The following MCPH1 variants were observed in gnomAD, a reference collection of about 807,000 sequenced individuals.
MCPH1 encodes microcephalin.
A neutral mutation model predicts 84.5 loss-of-function variants in MCPH1; 104 were observed. That is an observed-to-expected ratio of 1.23 (90% CI 1.05 to 1.45). The LOEUF is 1.45. Ranked by LOEUF, MCPH1 falls within the 40% of genes most tolerant of loss-of-function variation. The probability of loss-of-function intolerance (pLI) is 0.00; values close to 1 mark genes in which losing one functional copy is unlikely to be tolerated. For synonymous variants in MCPH1, 514 were observed against 366.8 expected (o/e 1.40, Z -4.58); for missense variants, 1,498 against 1,005.7 (o/e 1.49, Z -6.62).
chr8:6,592,542 T>A (rs1450367933), intron 12 of MCPH1, among the ~76,000 whole-genome samples: 1 of 151,352 alleles, frequency 6.6e-6, no homozygotes, highest in African/African-American at 2.4e-5. Flanking sequence ...ATTCTTCCTC[T>A]CTCTCTAAAA....
chr8:6,636,918 T>C (rs1224152138), intron 13 of MCPH1, among the ~76,000 whole-genome samples: 1 of 152,198 alleles, frequency 6.6e-6, no homozygotes, highest in East Asian at 1.9e-4. Flanking sequence ...GAAGTTGGTG[T>C]GGTAGGAGTC....
chr8:6,597,971 G>A (rs1586750315), intron 12 of MCPH1, among the ~76,000 whole-genome samples: 1 of 152,326 alleles, frequency 6.6e-6, no homozygotes, highest in East Asian at 1.9e-4. Flanking sequence ...CTTGCACTGA[G>A]GACGTGCCAC....
In MCPH1 at chr8:6,414,811, A is replaced by G; in HGVS notation, c.161A>G (p.Asp54Gly). 2 of 1,613,896 alleles carry G rather than the reference A, an allele frequency of 1.2e-6. No homozygotes were observed. The highest frequency in any genetic ancestry group is 1.7e-6 in the Non-Finnish European group (2 of 1,179,904). The change falls in exon 3 of 14, where the codon GAT (aspartate) becomes GGT (glycine). Residue 54 changes from aspartate (D) to glycine (G), a missense_variant. Asp to Gly is a moderately conservative substitution (Grantham distance 94). Coordinates refer to ENST00000344683, the MANE Select transcript of MCPH1 (RefSeq NM_024596.5). ...NKQVTHVIFK[D>G]GYQSTWDKAQ... Reference sequence around the variant, plus strand: ...CAAGTAACTCACGTTATCTTCAAAGATGGCTACCAGAGCACTTGGGACAAA... The same window carrying G: ...CAAGTAACTCACGTTATCTTCAAAGGTGGCTACCAGAGCACTTGGGACAAA...
In MCPH1 at chr8:6,421,463, C is replaced by G. The variant is rs1800181069; in HGVS notation, c.233+6580C>G. 2.0e-5 allele frequency among the ~76,000 whole-genome samples: 3 copies of G among 151,856 alleles called. No homozygotes were observed. The South Asian group carries it at 6.2e-4, about 32-fold the overall frequency. ...TTCAGTGGTCTATAGCAGAGAATGG[C>G]CAACTATCATCCCCCAGCCAAATCC... On this transcript the variant is annotated intron_variant, in intron 3 of 13. Coordinates refer to ENST00000344683, the MANE Select transcript of MCPH1 (RefSeq NM_024596.5).
At chr8:6,427,244 C>G (rs924429861) in intron 3 of MCPH1, among the ~76,000 whole-genome samples, 2 of 152,172 alleles carry the variant, frequency 1.3e-5, no homozygotes, top group Non-Finnish European at 2.9e-5. Flanking sequence ...GTGGTTGAGT[C>G]GTTGAGTGAG....
intron 8 of MCPH1, among the ~76,000 whole-genome samples, chr8:6,448,828 T>G (rs906485543): frequency 1.3e-5 from 2 of 152,204 alleles, no homozygotes; most frequent in Non-Finnish European, 2.9e-5. Context: ...GATCAGATAG[T>G]AAGTTTATTA....
chr8:6,493,942 T>C (rs2129561487), intron 11 of MCPH1, among the ~76,000 whole-genome samples: 1 of 11,500 alleles, frequency 8.7e-5, no homozygotes, highest in South Asian at 0.019. Context: ...AATAGTAAAT[T>C]TTTTTTTTTT....
At chr8:6,516,242 A>C (rs868115027) in intron 12 of MCPH1, among the ~76,000 whole-genome samples, 7 of 152,240 alleles carry the variant, frequency 4.6e-5, no homozygotes, top group Non-Finnish European at 8.8e-5. Flanking sequence ...TTTTATTATC[A>C]TTGCTACACA....
intron 12 of MCPH1, among the ~76,000 whole-genome samples, chr8:6,533,227 T>C (rs1356552051): frequency 5.3e-5 from 8 of 152,234 alleles, no homozygotes; most frequent in Non-Finnish European, 1.0e-4. Flanking sequence ...ATGATGATCA[T>C]GCTGACTAAT....
intron 8 of MCPH1, among the ~76,000 whole-genome samples, chr8:6,448,678 T>C (rs766482078): frequency 1.3e-5 from 2 of 152,212 alleles, no homozygotes; most frequent in Non-Finnish European, 2.9e-5. Context: ...TTAAGAGAAT[T>C]TTTTGCATGC....
intron 11 of MCPH1, among the ~76,000 whole-genome samples, chr8:6,492,760 A>AC (rs1563282974): frequency 6.7e-6 from 1 of 149,474 alleles, no homozygotes; most frequent in African/African-American, 2.4e-5. Context: ...ATTTAATATT[A>AC]TAAAATTAAT....
intron 11 of MCPH1, among the ~76,000 whole-genome samples, chr8:6,489,729 G>A (rs995455758): frequency 2.0e-5 from 3 of 152,160 alleles, no homozygotes; most frequent in Non-Finnish European, 2.9e-5. Flanking sequence ...GAGCCTTCTC[G>A]TGTTGCCAAC....
rs1476004925 is a variant in MCPH1 at position 6,648,238 on chromosome 8, G to C, written c.*5189G>C. ...GATACTGCCTGTGACCTGCAATGTG[G>C]TCTAAGCTGTCAGACCTCCACAGTG... On this transcript the variant is annotated 3_prime_UTR_variant, in exon 14 of 14. Coordinates refer to ENST00000344683, the MANE Select transcript of MCPH1 (RefSeq NM_024596.5). 1 of 152,274 alleles carries C rather than the reference G, an allele frequency of 6.6e-6. No homozygotes were observed. Among genetic ancestry groups the C allele is most frequent in the Non-Finnish European group, 1.5e-5 (1 of 68,096 alleles). 9.4% of individuals were successfully genotyped at this position (152,274 alleles called of 1,614,324 possible).
chr8:6,621,209 C>T (rs752656808), intron 12 of MCPH1: 3 of 559,794 alleles, frequency 5.4e-6, no homozygotes, highest in Non-Finnish European at 6.3e-6. Context: ...CAAAGGCCTA[C>T]ACTTTTTTTT....
chr8:6,478,159 T>C (rs896768701), intron 10 of MCPH1, among the ~76,000 whole-genome samples: 1 of 152,218 alleles, frequency 6.6e-6, no homozygotes, highest in African/African-American at 2.4e-5. Flanking sequence ...AACCATGTTT[T>C]TGATATCAAT....
intron 8 of MCPH1, among the ~76,000 whole-genome samples, chr8:6,451,374 T>C (rs1443667313): frequency 6.6e-6 from 1 of 152,238 alleles, no homozygotes; most frequent in East Asian, 1.9e-4. Flanking sequence ...GTAAGGTTAA[T>C]AGAAAGCTCT....
At chr8:6,567,884 G>T (rs1293524833) in intron 12 of MCPH1, among the ~76,000 whole-genome samples, 2 of 152,142 alleles carry the variant, frequency 1.3e-5, no homozygotes, top group African/African-American at 4.8e-5. Flanking sequence ...ATTATTACAG[G>T]TTCCCAAAAT....
At chr8:6,457,475 G>A (rs761735756) in intron 9 of MCPH1, among the ~76,000 whole-genome samples, 1 of 151,648 alleles carries the variant, frequency 6.6e-6, no homozygotes, top group Non-Finnish European at 1.5e-5. Flanking sequence ...CCTGGTGGTG[G>A]GCACCTGTAA....
At chr8:6,475,388 G>A (rs1248133554) in intron 9 of MCPH1, among the ~76,000 whole-genome samples, 1 of 152,180 alleles carries the variant, frequency 6.6e-6, no homozygotes, top group Non-Finnish European at 1.5e-5. Flanking sequence ...CCTGGCAGAC[G>A]CCCTTGTGGC....
Sources: gnomAD v4.1 joint callset for allele counts (sites outside exome capture counted in the v4.1 genomes callset) on GRCh38, gnomAD v4.1.1 for gene constraint, MANE v1.5 for transcripts, NCBI Gene and HGNC (gene_info 2026-07-23, HGNC 2026-07-21) for gene names.